Variants in IL1RAPL1 observed in about 807,000 individuals in gnomAD.
The protein encoded by IL1RAPL1 is interleukin 1 receptor accessory protein like 1.
Under a neutral mutation model 48.4 loss-of-function variants are expected in IL1RAPL1, and 3 were observed. The observed-to-expected ratio is 0.06, with a 90% CI of 0.03 to 0.16. The LOEUF is 0.16. Among genes scored for constraint, IL1RAPL1 ranks in the 10% least tolerant of loss-of-function variants. The probability of loss-of-function intolerance (pLI) is 1.00; values close to 1 mark genes in which losing one functional copy is unlikely to be tolerated. For missense variants in IL1RAPL1, 349 were observed against 530.6 expected, an observed-to-expected ratio of 0.66 and a Z score of 3.36; for synonymous variants, 185 against 187.7, an observed-to-expected ratio of 0.99 and a Z score of 0.12.
intron 6 of IL1RAPL1, among the ~76,000 whole-genome samples, chrX:29,882,880 A>C (rs983219060): frequency 1.8e-5 from 2 of 111,985 alleles, no homozygotes; most frequent in Non-Finnish European, 3.8e-5. Context: ...CTATATCCTA[A>C]AGGAAACTAC....
chrX:29,546,518 C>T (rs756707489), intron 5 of IL1RAPL1, among the ~76,000 whole-genome samples: 28 of 111,664 alleles, frequency 2.5e-4, no homozygotes, highest in Non-Finnish European at 4.9e-4. Context: ...TTCTTTGCCT[C>T]TATTTAGAAC....
Position 28,811,757 on chromosome X carries a change from T to C in IL1RAPL1, c.82+22332T>C, listed in dbSNP as rs147060319. On this transcript the variant is annotated intron_variant, in intron 2 of 10. Coordinates refer to ENST00000378993, the MANE Select transcript of IL1RAPL1 (RefSeq NM_014271.4). ...AGACATCTCACTGTGAAAGCAGGTG[T>C]TGAGATGTGCAAGACTTAAGGTAAC... is the stretch of plus-strand genomic sequence containing the variant. 8.1e-5 allele frequency among the ~76,000 whole-genome samples: 9 copies of C among 111,087 alleles called. No individual in the cohort carries two copies. The East Asian group carries it at 2.3e-3, about 28-fold the overall frequency.
At chrX:29,659,057 A>T (rs1412434117) in intron 5 of IL1RAPL1, among the ~76,000 whole-genome samples, 4 of 111,952 alleles carry the variant, frequency 3.6e-5, no homozygotes, top group Non-Finnish European at 7.5e-5. Context: ...CCTAAAATTC[A>T]TATGGAACGA....
At chrX:29,738,636 C>T (rs1459563862) in intron 6 of IL1RAPL1, among the ~76,000 whole-genome samples, 2 of 109,691 alleles carry the variant, frequency 1.8e-5, no homozygotes, top group Non-Finnish European at 3.8e-5. Flanking sequence ...AATGGGGTTT[C>T]ACTGTGTTGC....
At chrX:28,610,448 G>A (rs750439055) in intron 1 of IL1RAPL1, among the ~76,000 whole-genome samples, 2 of 112,426 alleles carry the variant, frequency 1.8e-5, no homozygotes, top group Non-Finnish European at 3.8e-5. Flanking sequence ...AGCAGTGAAG[G>A]TGAATGCATT....
chrX:28,789,382 T>C lies in IL1RAPL1; in HGVS notation c.39T>C (p.Ala13=). ...TTCCACACTTGATTCTCTTATACGC[T>C]ACTTTTACTCAGAGTTTGAAGGTTG... ...APIPHLILLY[A]TFTQSLKVVT... Residue 13 remains alanine, a synonymous_variant, in exon 2 of 11, where the codon GCT becomes GCC. Transcript: ENST00000378993. The C allele has an allele frequency of 2.5e-6, 3 of 1,210,289 alleles. No individual in the cohort carries two copies. Among genetic ancestry groups the C allele is most frequent in the Non-Finnish European group, 3.4e-6 (3 of 893,982 alleles).
chrX:29,110,642 C>G (rs1334346048), intron 2 of IL1RAPL1, among the ~76,000 whole-genome samples: 1 of 111,973 alleles, frequency 8.9e-6, no homozygotes, highest in Non-Finnish European at 1.9e-5. Flanking sequence ...TGGAGCTTCA[C>G]GTACTTCAAA....
rs370445964 is a variant in IL1RAPL1, at chrX:29,201,594, T to C, written c.83-81344T>C. On this transcript the variant is annotated intron_variant, in intron 2 of 10. Coordinates refer to ENST00000378993, the MANE Select transcript of IL1RAPL1 (RefSeq NM_014271.4). ...TGCATATGCAAAAGACATAGAACCA[T>C]TGTCAAGATAGCACTTTCCGTTTTC... Among the ~76,000 whole-genome samples the C allele has an allele frequency of 4.1e-4, 46 of 112,420 alleles. No individual in the cohort carries two copies. In the East Asian group the frequency reaches 8.3e-3, roughly 20 times the overall value.
rs1555960745 is a variant in IL1RAPL1 at position 29,081,020 on chromosome X, C to CTCTCTCTCTTTCTTTTCT, written c.83-201917_83-201916insCTCTCTCTTTCTTTTCTT. Among the ~76,000 whole-genome samples, 92 of 41,893 alleles carry CTCTCTCTCTTTCTTTTCT rather than the reference C, an allele frequency of 2.2e-3. 5 individuals carry two copies. Among genetic ancestry groups the CTCTCTCTCTTTCTTTTCT allele is most frequent in the Non-Finnish European group, 3.1e-3 (71 of 22,705 alleles). 36.4% of individuals were successfully genotyped at this position (41,893 alleles called of 115,157 possible). On this transcript the variant is annotated intron_variant, in intron 2 of 10. Transcript: ENST00000378993. The stretch of plus-strand genomic sequence containing the variant: ...TCTCTCTCTCTCTCTCTCTCTCTCT[C>CTCTCTCTCTTTCTTTTCT]TTTCTTTTCTTTTCTTTTCTTTTCT...
intron 5 of IL1RAPL1, among the ~76,000 whole-genome samples, chrX:29,488,275 T>C (rs1469596049): frequency 9.0e-6 from 1 of 111,440 alleles, no homozygotes; most frequent in African/African-American, 3.3e-5. Flanking sequence ...CCGTCTCTAC[T>C]AAAAATACAA....
chrX:28,712,393 C>T (rs972485447), intron 1 of IL1RAPL1, among the ~76,000 whole-genome samples: 5 of 110,222 alleles, frequency 4.5e-5, no homozygotes, highest in East Asian at 2.8e-4. Context: ...CCCAATTCCC[C>T]GAATGACTAA....
intron 1 of IL1RAPL1, among the ~76,000 whole-genome samples, chrX:28,738,162 C>G (rs1005757457): frequency 9.3e-6 from 1 of 106,952 alleles, no homozygotes; most frequent in African/African-American, 3.7e-5. Context: ...TTCCAAATAT[C>G]TAATCTCTTT....
intron 6 of IL1RAPL1, among the ~76,000 whole-genome samples, chrX:29,803,285 A>G (rs1185256155): frequency 1.1e-4 from 4 of 34,854 alleles, no homozygotes; most frequent in African/African-American, 4.8e-4. Context: ...ATATACACAC[A>G]TGTATATATG....
At chrX:29,854,400 T>C (rs1028873339) in intron 6 of IL1RAPL1, among the ~76,000 whole-genome samples, 1 of 111,886 alleles carries the variant, frequency 8.9e-6, no homozygotes, top group African/African-American at 3.2e-5. Context: ...AAGGTATTGA[T>C]GAGATAAAAG....
intron 1 of IL1RAPL1, among the ~76,000 whole-genome samples, chrX:28,600,429 A>G: frequency 9.6e-6 from 1 of 104,327 alleles, no homozygotes; most frequent in Non-Finnish European, 1.9e-5. Flanking sequence ...TCATGCCTGG[A>G]GAATTTACAT....
intron 6 of IL1RAPL1, among the ~76,000 whole-genome samples, chrX:29,915,901 CCCCCCA>C (rs1932796799): frequency 2.1e-5 from 1 of 47,851 alleles, no homozygotes; most frequent in Non-Finnish European, 3.6e-5. Context: ...CCTCCCCCCT[CCCCCCA>C]CCCCACCACA....
At chrX:28,706,165 G>A (rs1046034123) in intron 1 of IL1RAPL1, among the ~76,000 whole-genome samples, 1 of 111,559 alleles carries the variant, frequency 9.0e-6, no homozygotes, top group African/African-American at 3.3e-5. Flanking sequence ...TTATAATGCT[G>A]TATTTTTACT....
At chrX:29,899,381 C>G (rs990136998) in intron 6 of IL1RAPL1, among the ~76,000 whole-genome samples, 1 of 110,547 alleles carries the variant, frequency 9.0e-6, no homozygotes, top group Non-Finnish European at 1.9e-5. Context: ...GTCAGAATAC[C>G]AGGATTAGTT....
chrX:28,715,434 T>A (rs1315151504), intron 1 of IL1RAPL1, among the ~76,000 whole-genome samples: 1 of 111,322 alleles, frequency 9.0e-6, no homozygotes, highest in African/African-American at 3.3e-5. Context: ...AATGCCCACA[T>A]CAAAAAGTTA....
Sources: allele counts gnomAD v4.1 joint callset (sites outside exome capture counted in the v4.1 genomes callset), GRCh38; gene constraint gnomAD v4.1.1; transcripts MANE v1.5; gene names NCBI Gene and HGNC (gene_info 2026-07-23, HGNC 2026-07-21).